KCNIP4: variants seen among roughly 807,000 people sequenced by gnomAD.
KCNIP4 encodes the protein Kv channel-interacting protein 4.
In KCNIP4, 12 loss-of-function variants were observed where a neutral mutation model predicts 34.0. The observed-to-expected ratio is 0.35, with a 90% CI of 0.23 to 0.57. The LOEUF is 0.57. KCNIP4 is among the 20% of genes least tolerant of loss of function. The pLI is 0.83. For missense variants in KCNIP4, 238 were observed against 311.7 expected (o/e 0.76, Z 1.78); for synonymous variants, 124 against 102.2 (o/e 1.21, Z -1.29).
At chr4:21,195,459 C>T (rs974190526) in intron 1 of KCNIP4, among the ~76,000 whole-genome samples, 1 of 152,126 alleles carries the variant, frequency 6.6e-6, no homozygotes, top group Non-Finnish European at 1.5e-5. Context: ...AAAAATTTTA[C>T]AAAATGTCTC....
At chr4:20,826,677 A>G (rs1717801887) in intron 3 of KCNIP4, among the ~76,000 whole-genome samples, 1 of 152,188 alleles carries the variant, frequency 6.6e-6, no homozygotes, top group South Asian at 2.1e-4. Context: ...AGAACATTCT[A>G]GTACTCAGGT....
intron 3 of KCNIP4, among the ~76,000 whole-genome samples, chr4:20,767,622 A>G (rs1364469754): frequency 6.6e-6 from 1 of 152,204 alleles, no homozygotes; most frequent in East Asian, 1.9e-4. Context: ...CTGCAGTGGT[A>G]TGCAAATCAC....
At chr4:20,907,203 T>A (rs1275861059) in intron 1 of KCNIP4, among the ~76,000 whole-genome samples, 1 of 152,196 alleles carries the variant, frequency 6.6e-6, no homozygotes, top group Non-Finnish European at 1.5e-5. Context: ...TAATGGAAAC[T>A]GAGCTTTAAA....
At chr4:21,834,215 C>T (rs1369438302) in intron 1 of KCNIP4, among the ~76,000 whole-genome samples, 5 of 152,104 alleles carry the variant, frequency 3.3e-5, no homozygotes, top group East Asian at 1.9e-4. Flanking sequence ...TGATTCTTCC[C>T]ACCCATGAGC....
chr4:21,169,581 TAC>T (rs1753861795), intron 1 of KCNIP4, among the ~76,000 whole-genome samples: 1 of 152,056 alleles, frequency 6.6e-6, no homozygotes, highest in Non-Finnish European at 1.5e-5. Context: ...GTTCTAATGC[TAC>T]CAAATTCAGT....
chr4:21,424,607 AAG>A (rs1334741520), intron 1 of KCNIP4, among the ~76,000 whole-genome samples: 3 of 97,006 alleles, frequency 3.1e-5, no homozygotes, highest in South Asian at 2.8e-4. Flanking sequence ...AAGAGAGAAA[AAG>A]AAAGAAAGAA....
At chr4:21,283,336 A>T (rs956242744) in intron 1 of KCNIP4, among the ~76,000 whole-genome samples, 3 of 152,068 alleles carry the variant, frequency 2.0e-5, no homozygotes, top group African/African-American at 7.2e-5. Flanking sequence ...TTTTTCCTTC[A>T]TAAAATTATG....
chr4:21,615,006 G>T (rs183021108), intron 1 of KCNIP4, among the ~76,000 whole-genome samples: 1 of 152,124 alleles, frequency 6.6e-6, no homozygotes, highest in Non-Finnish European at 1.5e-5. Context: ...GGATCAGACT[G>T]TCTTTTTCTG....
chr4:20,939,994 C>T (rs1577401015), intron 1 of KCNIP4, among the ~76,000 whole-genome samples: 1 of 152,136 alleles, frequency 6.6e-6, no homozygotes, highest in African/African-American at 2.4e-5. Context: ...TACGAAGATA[C>T]AAAAATGACT....
rs568140305 is a variant in KCNIP4 at position 21,183,110 on chromosome 4, G to A, written c.62-300401C>T. On this transcript the variant is annotated intron_variant, in intron 1 of 8. Transcript: ENST00000382152. ...ATATATGTGATCTCTTGCAGCACAC[G>A]TCTTTGTGTGCCTGGCTTCTTTCAC... 1.3e-5 allele frequency among the ~76,000 whole-genome samples: 2 copies of A among 152,194 alleles called. 1 individual carries two copies. Among genetic ancestry groups the A allele is most frequent in the African/African-American group, 4.8e-5 (2 of 41,534 alleles).
chr4:20,900,423 C>T (rs1443199667), intron 1 of KCNIP4, among the ~76,000 whole-genome samples: 3 of 152,202 alleles, frequency 2.0e-5, no homozygotes, highest in Non-Finnish European at 4.4e-5. Flanking sequence ...GTGTCCCCAG[C>T]ATCACGCACA....
chr4:20,797,873 G>A (rs1713685220), intron 3 of KCNIP4, among the ~76,000 whole-genome samples: 1 of 152,158 alleles, frequency 6.6e-6, no homozygotes, highest in African/African-American at 2.4e-5. Flanking sequence ...ACTCAGCTTT[G>A]CCTATACCTG....
intron 1 of KCNIP4, among the ~76,000 whole-genome samples, chr4:21,140,485 TTAACA>T (rs1233912337): frequency 6.6e-6 from 1 of 152,144 alleles, no homozygotes; most frequent in African/African-American, 2.4e-5. Context: ...TTGCACAATG[TTAACA>T]TAACGCACCT....
chr4:21,736,661 TC>T (rs1400312158), intron 1 of KCNIP4, among the ~76,000 whole-genome samples: 1 of 152,196 alleles, frequency 6.6e-6, no homozygotes, highest in Non-Finnish European at 1.5e-5. Flanking sequence ...TCAAGTCACA[TC>T]AGTTACCTCT....
chr4:20,806,174 G>T (rs1715061371), intron 3 of KCNIP4, among the ~76,000 whole-genome samples: 1 of 151,706 alleles, frequency 6.6e-6, no homozygotes, highest in African/African-American at 2.4e-5. Flanking sequence ...TTGTCACTTT[G>T]TTTTGTTGCC....
intron 1 of KCNIP4, among the ~76,000 whole-genome samples, chr4:21,336,700 C>T (rs188134748): frequency 1.8e-4 from 28 of 152,120 alleles, no homozygotes; most frequent in African/African-American, 6.0e-4. Flanking sequence ...TCACTCCTGC[C>T]GTCTGTGAAA....
At chr4:21,221,573 A>G (rs558727085) in intron 1 of KCNIP4, among the ~76,000 whole-genome samples, 1 of 152,206 alleles carries the variant, frequency 6.6e-6, no homozygotes, top group East Asian at 1.9e-4. Context: ...GCACAGGGGA[A>G]CCGCACCCAT....
chr4:21,207,743 T>A (rs1756941063), intron 1 of KCNIP4, among the ~76,000 whole-genome samples: 1 of 152,140 alleles, frequency 6.6e-6, no homozygotes, highest in African/African-American at 2.4e-5. Flanking sequence ...TGACAGGAAG[T>A]CTTCAGACTA....
At chr4:21,424,087 G>A (rs1357858019) in intron 1 of KCNIP4, among the ~76,000 whole-genome samples, 1 of 151,234 alleles carries the variant, frequency 6.6e-6, no homozygotes, top group Admixed American at 6.6e-5. Context: ...CCAAAGTGCT[G>A]GGATTACAGG....
Sources: allele counts gnomAD v4.1 joint callset (sites outside exome capture counted in the v4.1 genomes callset), GRCh38; gene constraint gnomAD v4.1.1; transcripts MANE v1.5; gene names NCBI Gene and HGNC (gene_info 2026-07-23, HGNC 2026-07-21).